Variants in CHI3L2 observed in about 807,000 individuals in gnomAD.
The protein encoded by CHI3L2 is chitinase-3-like protein 2.
In CHI3L2, 47 loss-of-function variants were observed where a neutral mutation model predicts 47.3. The observed-to-expected ratio is 0.99, with a 90% CI of 0.79 to 1.27. The LOEUF (loss-of-function observed/expected upper bound fraction) is 1.27, where lower values mean the gene tolerates loss of function less well. CHI3L2 is among the 50% of genes most tolerant of loss of function. The probability of loss-of-function intolerance (pLI) is 0.00; values close to 1 mark genes in which losing one functional copy is unlikely to be tolerated. For missense variants in CHI3L2, 497 were observed against 462.1 expected, an observed-to-expected ratio of 1.08 and a Z score of -0.69; for synonymous variants, 198 against 169.9, an observed-to-expected ratio of 1.17 and a Z score of -1.28.
intron 9 of CHI3L2, 145 bp downstream of exon 9, chr1:111,241,588 G>C: frequency 1.6e-6 from 1 of 608,830 alleles, no homozygotes; most frequent in Non-Finnish European, 3.0e-6. Flanking sequence ...CTCAAGTCTA[G>C]TAGTGACTCT....
rs1659694340 is a variant in CHI3L2 at position 111,230,828 on chromosome 1, C to A, written c.157C>A (p.Pro53Thr). The change falls in exon 3 of 11, where the codon CCC becomes ACC. Residue 53 changes from proline (P) to threonine (T), a missense_variant. Coordinates refer to ENST00000369748, the MANE Select transcript of CHI3L2 (RefSeq NM_004000.3). Reference sequence around the variant, plus strand: ...AAAATTCACCCCTGAGAATATTGACCCCTTCCTATGCTCTCATCTCATCTA... The same window carrying A: ...AAAATTCACCCCTGAGAATATTGACACCTTCCTATGCTCTCATCTCATCTA... ...PGKFTPENID[P>T]FLCSHLIYSF... 6.2e-7 allele frequency: 1 copy of A among 1,614,060 alleles called. No homozygotes were observed. Among genetic ancestry groups the A allele is most frequent in the Non-Finnish European group, 8.5e-7 (1 of 1,179,998 alleles).
At chr1:111,231,473 T>C (rs1473811848) in intron 4 of CHI3L2, 179 bp downstream of exon 4, 5 of 558,868 alleles carry the variant, frequency 8.9e-6, no homozygotes, top group Admixed American at 3.4e-5. Flanking sequence ...TCCTGGGGTC[T>C]TTGAAGGAAT....
chr1:111,233,675 C>T (rs1271231953), intron 4 of CHI3L2, among the ~76,000 whole-genome samples: 1 of 152,016 alleles, frequency 6.6e-6, no homozygotes, highest in African/African-American at 2.4e-5. Context: ...CCGGCCACCA[C>T]CCCGTCTGGG....
chr1:111,227,739 AC>A lies in CHI3L2; in HGVS notation c.12del (p.Thr5ProfsTer11). The A allele has an allele frequency of 6.2e-7, 1 of 1,614,198 alleles. No individual in the cohort carries two copies. The highest frequency in any genetic ancestry group is 8.5e-7 in the Non-Finnish European group (1 of 1,180,006). MGA[T>X]TMDQKSLWAG... ...GAAGCTGGCCAAGGATATGGGAGCA[AC>A]CACCATGGACCAGAAGTCTCTCTGG... is the stretch of plus-strand genomic sequence containing the variant. On this transcript the variant is annotated frameshift_variant, in exon 1 of 11. Transcript: ENST00000369748. LOFTEE classifies it high-confidence loss of function.
chr1:111,231,404 T>C, intron 4 of CHI3L2, 110 bp downstream of exon 4: 2 of 830,876 alleles, frequency 2.4e-6, no homozygotes, highest in East Asian at 2.6e-5. Flanking sequence ...AGGTTTTCCC[T>C]TGGCCAGGTG....
At chr1:111,232,771 C>G (rs1274709323) in intron 4 of CHI3L2, among the ~76,000 whole-genome samples, 2 of 152,168 alleles carry the variant, frequency 1.3e-5, no homozygotes, top group Admixed American at 1.3e-4. Context: ...TAGTAAATTT[C>G]TATTGAATGG....
intron 1 of CHI3L2, among the ~76,000 whole-genome samples, chr1:111,229,130 C>T (rs1186492681): frequency 6.6e-6 from 1 of 152,138 alleles, no homozygotes. Flanking sequence ...TTTGAAGGGT[C>T]TCATTGGACA....
chr1:111,230,019 C>A, intron 2 of CHI3L2, 138 bp downstream of exon 2: 1 of 919,264 alleles, frequency 1.1e-6, no homozygotes, highest in Non-Finnish European at 1.7e-6. Context: ...ATTTATGACA[C>A]TGAGTTTTTA....
intron 8 of CHI3L2, among the ~76,000 whole-genome samples, chr1:111,240,019 A>G (rs1660000492): frequency 6.6e-6 from 1 of 152,248 alleles, no homozygotes; most frequent in East Asian, 1.9e-4. Flanking sequence ...TCAATGACCA[A>G]TGAATGGTGT....
rs1175636390 is a variant in CHI3L2, at chr1:111,242,322, C to T, written c.1131C>T (p.Tyr377=). ...FTGKSCNQGP[Y]PLVQAVKRSL... ...GCAAATCCTGCAACCAGGGCCCTTACCCTCTTGTCCAAGCAGTCAAGAGAA... is the reference window on the plus strand; with the variant it reads ...GCAAATCCTGCAACCAGGGCCCTTATCCTCTTGTCCAAGCAGTCAAGAGAA... Residue 377 remains tyrosine, a synonymous_variant, in exon 10 of 11, where the codon TAC becomes TAT. Coordinates refer to ENST00000369748, the MANE Select transcript of CHI3L2 (RefSeq NM_004000.3). 1 of 1,613,522 alleles carries T rather than the reference C, an allele frequency of 6.2e-7. No homozygotes were observed. Among genetic ancestry groups the T allele is most frequent in the Non-Finnish European group, 8.5e-7 (1 of 1,179,766 alleles).
chr1:111,232,290 C>T (rs1659745454), intron 4 of CHI3L2, among the ~76,000 whole-genome samples: 1 of 152,204 alleles, frequency 6.6e-6, no homozygotes, highest in Admixed American at 6.5e-5. Context: ...TCTCCCCTTC[C>T]TAATACTTGC....
In CHI3L2 at chr1:111,242,202, G is replaced by T. The variant is rs758559289; in HGVS notation, c.1036-25G>T. On this transcript the variant is annotated intron_variant, in intron 9 of 10. Coordinates refer to ENST00000369748, the MANE Select transcript of CHI3L2 (RefSeq NM_004000.3). ...TTTAGGGGCCACCCTTCGAATCTCT[G>T]TGTATCCTTCTGTGTCTCCCATAGG... The T allele has an allele frequency of 2.5e-6, 4 of 1,613,916 alleles. No individual in the cohort carries two copies. In the East Asian group the frequency reaches 8.9e-5, roughly 36 times the overall value.
intron 1 of CHI3L2, 79 bp downstream of exon 1, chr1:111,227,848 C>A: frequency 7.2e-7 from 1 of 1,392,716 alleles, no homozygotes; most frequent in South Asian, 1.2e-5. Flanking sequence ...AAGTAATCTT[C>A]CTCCTTTCCT....
chr1:111,241,437 G>T lies in CHI3L2; in HGVS notation c.1029G>T (p.Glu343Asp). The T allele has an allele frequency of 6.4e-7, 1 of 1,558,956 alleles. No homozygotes were observed. The highest frequency in any genetic ancestry group is 8.9e-7 in the Non-Finnish European group (1 of 1,129,586). ...GCTATGATGATGTGAAGAGTATGGA[G>T]ACCAAGGTAGGTGGGCCACAGGCAG... is the stretch of plus-strand genomic sequence containing the variant. ...WVGYDDVKSMETKVQFLKNLN... is the reference protein window; with the variant it reads ...WVGYDDVKSMDTKVQFLKNLN... The change falls in exon 9 of 11, where the codon GAG becomes GAT. Residue 343 changes from glutamate to aspartate, a missense_variant. Transcript: ENST00000369748.
At chr1:111,243,084 A>G in intron 10 of CHI3L2, 133 bp from the exon 11 acceptor site, 1 of 444,158 alleles carries the variant, frequency 2.3e-6, no homozygotes, top group Admixed American at 2.4e-5. Flanking sequence ...CAAAGGGCCT[A>G]GAACCATTTG....
At position 111,235,770 on chromosome 1, in the gene CHI3L2, A is replaced by T. The variant is rs1659866481; in HGVS notation, c.605+7A>T. The T allele has an allele frequency of 6.2e-7, 1 of 1,611,516 alleles. No individual in the cohort carries two copies. The highest frequency in any genetic ancestry group is 2.2e-5 in the East Asian group (1 of 44,874). On this transcript the variant is annotated splice_region_variant and intron_variant, in intron 6 of 10. Coordinates refer to ENST00000369748, the MANE Select transcript of CHI3L2 (RefSeq NM_004000.3). ...AAGTTGAGAAACTGGCAAAGTGAGT[A>T]CATCAGAGCAACTTTCCATCCCTCT...
rs1011792492 is a variant in CHI3L2 at position 111,233,493 on chromosome 1, C to T, written c.330-1414C>T. On this transcript the variant is annotated intron_variant, in intron 4 of 10. Transcript: ENST00000369748. ...AATCTAGTTCTCCTGACCCTAAGCCCACCACATTGCAAACTGCTTTTCCAA... is the reference window on the plus strand; with the variant it reads ...AATCTAGTTCTCCTGACCCTAAGCCTACCACATTGCAAACTGCTTTTCCAA... 5.3e-5 allele frequency among the ~76,000 whole-genome samples: 8 copies of T among 152,288 alleles called. No individual in the cohort carries two copies. The South Asian group carries it at 8.3e-4, about 16-fold the overall frequency.
At chr1:111,242,493 TG>T in intron 10 of CHI3L2, 127 bp downstream of exon 10, 2 of 1,063,356 alleles carry the variant, frequency 1.9e-6, no homozygotes, top group Non-Finnish European at 2.6e-6. Context: ...TCTTCTGCCA[TG>T]TTTTCTTAGC....
At chr1:111,235,354 A>T (rs1259196967) in intron 5 of CHI3L2, among the ~76,000 whole-genome samples, 2 of 152,190 alleles carry the variant, frequency 1.3e-5, no homozygotes, top group Non-Finnish European at 2.9e-5. Flanking sequence ...GGATTTCCTG[A>T]GTACTGAGGT....
Sources: gnomAD v4.1 joint callset for allele counts (sites outside exome capture counted in the v4.1 genomes callset) on GRCh38, gnomAD v4.1.1 for gene constraint, MANE v1.5 for transcripts, NCBI Gene and HGNC (gene_info 2026-07-23, HGNC 2026-07-21) for gene names.